CFAP53: variants seen among roughly 807,000 people sequenced by gnomAD.
CFAP53 encodes cilia and flagella associated protein 53, also known as cilia- and flagella-associated protein 53.
Under a neutral mutation model 59.7 loss-of-function variants are expected in CFAP53, and 62 were observed. The observed-to-expected ratio is 1.04, with a 90% CI of 0.85 to 1.28. The LOEUF (loss-of-function observed/expected upper bound fraction) is 1.28. Among genes scored for constraint, CFAP53 ranks in the 50% most tolerant of loss-of-function variants. The probability of loss-of-function intolerance (pLI) is 0.00; values close to 1 mark genes in which losing one functional copy is unlikely to be tolerated. For missense variants in CFAP53, 629 were observed against 615.6 expected (o/e 1.02, Z -0.23); for synonymous variants, 218 against 205.7 (o/e 1.06, Z -0.51).
intron 5 of CFAP53, among the ~76,000 whole-genome samples, chr18:50,243,888 C>T (rs986219696): frequency 6.6e-6 from 1 of 151,260 alleles, no homozygotes; most frequent in Non-Finnish European, 1.5e-5. Flanking sequence ...GGAGGCGGAG[C>T]TTGCAGTGAG....
chr18:50,261,377 G>C, intron 2 of CFAP53, 140 bp from the exon 3 acceptor site: 1 of 1,027,840 alleles, frequency 9.7e-7, no homozygotes. Flanking sequence ...AAGACTGGTT[G>C]GTTTGTTTTT....
chr18:50,259,681 C>A (rs769586122), intron 3 of CFAP53, among the ~76,000 whole-genome samples: 2 of 152,084 alleles, frequency 1.3e-5, no homozygotes, highest in African/African-American at 4.8e-5. Flanking sequence ...AATACACCCA[C>A]CTCAGCCTCC....
In CFAP53 at chr18:50,243,037, T is replaced by C. The variant is rs1453242395; in HGVS notation, c.1076A>G (p.Glu359Gly). ...RREEEKAQEK[E>G]FDRILEEDKA... ...GTCTTCCTCTAATATTCTGTCAAAT[T>C]CTTTCTCCTGAGCTTTTTCTTCCTC... Residue 359 changes from glutamate (E) to glycine (G), a missense_variant, in exon 6 of 8, where the codon GAA becomes GGA. Transcript: ENST00000398545. 3.1e-6 allele frequency: 5 copies of C among 1,613,974 alleles called. No homozygotes were observed. The East Asian group carries it at 1.1e-4, about 36-fold the overall frequency.
chr18:50,265,817 G>A (rs917246323), intron 1 of CFAP53, among the ~76,000 whole-genome samples: 1 of 152,216 alleles, frequency 6.6e-6, no homozygotes, highest in South Asian at 2.1e-4. Context: ...GGACACTTCT[G>A]TCCAGCAATG....
rs540486893 is a variant in CFAP53, at chr18:50,249,706, G to C, written c.996+1052C>G. On this transcript the variant is annotated intron_variant, in intron 5 of 7. Coordinates refer to ENST00000398545, the MANE Select transcript of CFAP53 (RefSeq NM_145020.5). ...AGAAATGAAGAACAGGGTTAAGAAGGGGGTGGGGCAAGAGGGAAGTAGGTG... is the reference window on the plus strand; with the variant it reads ...AGAAATGAAGAACAGGGTTAAGAAGCGGGTGGGGCAAGAGGGAAGTAGGTG... Among the ~76,000 whole-genome samples, 3 of 152,198 alleles carry C rather than the reference G, an allele frequency of 2.0e-5. No individual in the cohort carries two copies. The East Asian group carries it at 5.8e-4, about 29-fold the overall frequency.
intron 7 of CFAP53, among the ~76,000 whole-genome samples, chr18:50,237,030 G>C (rs1050073394): frequency 6.6e-6 from 1 of 151,716 alleles, no homozygotes; most frequent in African/African-American, 2.4e-5. Flanking sequence ...AAAGAGGCCA[G>C]GCGCAGTGGC....
chr18:50,235,428 G>A (rs972156032), intron 7 of CFAP53, among the ~76,000 whole-genome samples: 4 of 152,198 alleles, frequency 2.6e-5, no homozygotes, highest in East Asian at 1.9e-4. Flanking sequence ...TTAGCTGGGC[G>A]TGGTGGCATG....
intron 3 of CFAP53, among the ~76,000 whole-genome samples, chr18:50,260,110 CA>C (rs1309546084): frequency 6.6e-6 from 1 of 152,178 alleles, no homozygotes; most frequent in African/African-American, 2.4e-5. Context: ...TACTCCCATA[CA>C]AATCTTCCCT....
chr18:50,262,640 G>A (rs144050532), intron 1 of CFAP53, among the ~76,000 whole-genome samples: 3 of 152,196 alleles, frequency 2.0e-5, no homozygotes, highest in East Asian at 1.9e-4. Context: ...TATTTCTCAC[G>A]GTTGGACACC....
At chr18:50,234,363 C>T (rs1286125239) in intron 7 of CFAP53, among the ~76,000 whole-genome samples, 1 of 152,194 alleles carries the variant, frequency 6.6e-6, no homozygotes, top group Non-Finnish European at 1.5e-5. Flanking sequence ...TCCGTTATCT[C>T]ATTAATGTTT....
intron 6 of CFAP53, among the ~76,000 whole-genome samples, chr18:50,242,286 C>T (rs1235635076): frequency 2.0e-5 from 3 of 152,126 alleles, no homozygotes; most frequent in Non-Finnish European, 4.4e-5. Context: ...TGACATACAT[C>T]CTCAGCTTAT....
intron 7 of CFAP53, among the ~76,000 whole-genome samples, chr18:50,229,227 A>T (rs1024722808): frequency 2.0e-5 from 3 of 151,948 alleles, no homozygotes; most frequent in African/African-American, 7.3e-5. Flanking sequence ...GCAAATCTGA[A>T]ACTCCCTCCC....
At chr18:50,242,652 C>T (rs1053477265) in intron 6 of CFAP53, among the ~76,000 whole-genome samples, 2 of 152,190 alleles carry the variant, frequency 1.3e-5, no homozygotes, top group African/African-American at 2.4e-5. Flanking sequence ...ATCACCAAGA[C>T]ATACAGTATT....
At chr18:50,242,719 C>T (rs1274152692) in intron 6 of CFAP53, among the ~76,000 whole-genome samples, 181 bp downstream of exon 6, 3 of 152,172 alleles carry the variant, frequency 2.0e-5, no homozygotes, top group Non-Finnish European at 4.4e-5. Flanking sequence ...TGATTGGAAT[C>T]TGCTGGTCTC....
At chr18:50,249,455 C>T (rs1171456674) in intron 5 of CFAP53, among the ~76,000 whole-genome samples, 1 of 149,246 alleles carries the variant, frequency 6.7e-6, no homozygotes, top group Non-Finnish European at 1.5e-5. Context: ...GAAGTTGAGG[C>T]TGCAGGGAGC....
intron 5 of CFAP53, among the ~76,000 whole-genome samples, chr18:50,244,866 G>A (rs1343508842): frequency 6.6e-6 from 1 of 151,302 alleles, no homozygotes; most frequent in Non-Finnish European, 1.5e-5. Context: ...TTGGAAACCA[G>A]CCTGGCCAAC....
At chr18:50,260,851 T>C (rs1436655840) in intron 3 of CFAP53, among the ~76,000 whole-genome samples, 1 of 152,200 alleles carries the variant, frequency 6.6e-6, no homozygotes, top group Non-Finnish European at 1.5e-5. Flanking sequence ...CCTTTGTTAC[T>C]TCCATTCTAA....
chr18:50,249,089 G>A (rs926984198), intron 5 of CFAP53, among the ~76,000 whole-genome samples: 1 of 150,628 alleles, frequency 6.6e-6, no homozygotes, highest in African/African-American at 2.4e-5. Context: ...TGTAATCCCA[G>A]CTACTCGGGA....
In CFAP53 at chr18:50,250,647, G is replaced by C. The variant is rs190235183; in HGVS notation, c.996+111C>G. On this transcript the variant is annotated intron_variant, in intron 5 of 7. Coordinates refer to ENST00000398545, the MANE Select transcript of CFAP53 (RefSeq NM_145020.5). ...GATGGTGCTGATGCTGTTGGCTTGT[G>C]GACCACACTCAGAGTAGCACTGCTA... 4.7e-3 allele frequency: 3,808 copies of C among 806,938 alleles called. 17 individuals are homozygous for C. The highest frequency in any genetic ancestry group is 6.6e-3 in the Admixed American group (319 of 48,028). 50.0% of individuals were successfully genotyped at this position (806,938 alleles called of 1,614,324 possible).
Sources: gnomAD v4.1 joint callset for allele counts (sites outside exome capture counted in the v4.1 genomes callset) on GRCh38, gnomAD v4.1.1 for gene constraint, MANE v1.5 for transcripts, NCBI Gene and HGNC (gene_info 2026-07-23, HGNC 2026-07-21) for gene names.